EDIL3: variants seen among roughly 807,000 people sequenced by gnomAD.
EDIL3 encodes the protein EGF-like repeat and discoidin I-like domain-containing protein 3.
Under a neutral mutation model 67.4 loss-of-function variants are expected in EDIL3, and 37 were observed. The ratio of observed to expected loss-of-function variants is 0.55; its 90% confidence interval spans 0.42 to 0.72. EDIL3 has a LOEUF of 0.72. EDIL3 is among the 30% of genes least tolerant of loss of function. The pLI is 0.00. For synonymous variants in EDIL3, 195 were observed against 196.3 expected (o/e 0.99, Z 0.05); for missense variants, 527 against 586.3 (o/e 0.90, Z 1.04).
At chr5:84,167,570 T>C (rs1420126508) in intron 4 of EDIL3, among the ~76,000 whole-genome samples, 1 of 152,160 alleles carries the variant, frequency 6.6e-6, no homozygotes, top group Non-Finnish European at 1.5e-5. Flanking sequence ...TCTTTTACTA[T>C]GATGAAAGAA....
At chr5:84,152,763 T>C (rs1305933490) in intron 4 of EDIL3, among the ~76,000 whole-genome samples, 3 of 152,216 alleles carry the variant, frequency 2.0e-5, no homozygotes, top group Non-Finnish European at 2.9e-5. Context: ...GCTACAGAGT[T>C]ATCTTTAGAG....
intron 1 of EDIL3, among the ~76,000 whole-genome samples, chr5:84,364,975 C>T (rs986453039): frequency 6.6e-6 from 1 of 151,472 alleles, no homozygotes; most frequent in Non-Finnish European, 1.5e-5. Flanking sequence ...ATGTCTTATA[C>T]TTAACTTAAA....
intron 9 of EDIL3, among the ~76,000 whole-genome samples, chr5:83,993,233 C>T (rs1274092652): frequency 2.0e-5 from 3 of 152,052 alleles, no homozygotes; most frequent in Non-Finnish European, 4.4e-5. Flanking sequence ...TGTACAGTTG[C>T]CCAAACACAG....
intron 9 of EDIL3, among the ~76,000 whole-genome samples, chr5:83,968,060 G>A (rs1055233825): frequency 5.3e-5 from 8 of 152,168 alleles, no homozygotes; most frequent in East Asian, 1.9e-4. Flanking sequence ...ATTTGGTTTC[G>A]ATACAGAATG....
chr5:84,297,844 A>G lies in EDIL3; in HGVS notation c.68-43632T>C, dbSNP rs1038656440. ...ACAGTCGATCCTGGGAGAGCAAGAA[A>G]CAAGGAGCCAGCAAGTCTAGACACA... On this transcript the variant is annotated intron_variant, in intron 1 of 10. Transcript: ENST00000296591. 3.3e-5 allele frequency among the ~76,000 whole-genome samples: 5 copies of G among 152,124 alleles called. No individual in the cohort carries two copies. The East Asian group carries it at 5.8e-4, about 18-fold the overall frequency.
In EDIL3 at chr5:84,075,947, T is replaced by TTATA. The variant is rs10546643; in HGVS notation, c.652-9345_652-9342dup. Among the ~76,000 whole-genome samples the TTATA allele has an allele frequency of 2.3e-3, 294 of 130,630 alleles. 8 individuals carry two copies. In the East Asian group the frequency reaches 0.042, roughly 19 times the overall value. The allele number at this position is 130,630 out of a possible 152,430, so 85.7% of individuals were successfully genotyped here. A position where few individuals can be genotyped will look rare whatever the true frequency, so the allele number is the denominator to read the frequency against. ...ACACACTCACGTGCCATTGTGGGTT[T>TTATA]TATATATATATATATATATATAAAT... On this transcript the variant is annotated intron_variant, in intron 6 of 10. Transcript: ENST00000296591.
chr5:84,236,841 T>C (rs1438037038), intron 2 of EDIL3, among the ~76,000 whole-genome samples: 1 of 151,848 alleles, frequency 6.6e-6, no homozygotes. Context: ...AGAAAATTCA[T>C]GGGCAAATAA....
At chr5:84,258,199 G>A (rs1408062595) in intron 1 of EDIL3, among the ~76,000 whole-genome samples, 2 of 152,194 alleles carry the variant, frequency 1.3e-5, no homozygotes, top group Non-Finnish European at 2.9e-5. Context: ...AGAAGGAGAT[G>A]CTAAGATGAA....
intron 1 of EDIL3, among the ~76,000 whole-genome samples, chr5:84,287,060 A>G (rs987824528): frequency 2.0e-5 from 3 of 152,188 alleles, no homozygotes; most frequent in Non-Finnish European, 4.4e-5. Flanking sequence ...AACACTGGCA[A>G]TTAGAGAGGA....
intron 3 of EDIL3, among the ~76,000 whole-genome samples, chr5:84,187,823 T>C (rs1239322099): frequency 6.6e-6 from 1 of 152,032 alleles, no homozygotes. Context: ...ACACTAGTTG[T>C]TGCTTCTCAT....
chr5:84,285,201 A>G (rs1298858894), intron 1 of EDIL3, among the ~76,000 whole-genome samples: 1 of 152,230 alleles, frequency 6.6e-6, no homozygotes, highest in Non-Finnish European at 1.5e-5. Context: ...GAATTGCACT[A>G]TTAATATTCA....
intron 9 of EDIL3, among the ~76,000 whole-genome samples, chr5:84,044,942 A>G (rs578016141): frequency 7.9e-5 from 12 of 152,260 alleles, no homozygotes; most frequent in South Asian, 6.2e-4. Context: ...GTCCATTTTC[A>G]CACTGCTGAT....
chr5:84,059,243 G>GA (rs56261126), intron 9 of EDIL3, among the ~76,000 whole-genome samples: 55 of 149,032 alleles, frequency 3.7e-4, no homozygotes, highest in Admixed American at 3.4e-3. Flanking sequence ...CTGCACAAAA[G>GA]AAAAAAAAAA....
chr5:84,145,609 G>GA (rs1288643172), intron 4 of EDIL3, among the ~76,000 whole-genome samples: 3 of 152,040 alleles, frequency 2.0e-5, no homozygotes, highest in Non-Finnish European at 2.9e-5. Flanking sequence ...AGTGAGAAGG[G>GA]AAATTTATGT....
chr5:83,952,826 T>C (rs193021287), intron 10 of EDIL3, among the ~76,000 whole-genome samples: 1 of 151,972 alleles, frequency 6.6e-6, no homozygotes, highest in Admixed American at 6.6e-5. Context: ...ATTAGGAGAC[T>C]TTTCCTCACT....
chr5:84,067,971 C>G (rs1746673185), intron 6 of EDIL3, among the ~76,000 whole-genome samples: 1 of 152,186 alleles, frequency 6.6e-6, no homozygotes, highest in Admixed American at 6.5e-5. Flanking sequence ...CATCACACAA[C>G]AACTATAACC....
intron 5 of EDIL3, among the ~76,000 whole-genome samples, chr5:84,128,047 C>G (rs1002269082): frequency 6.6e-6 from 1 of 152,126 alleles, no homozygotes; most frequent in Non-Finnish European, 1.5e-5. Flanking sequence ...AAGGTGGGAA[C>G]TCAAAACATG....
chr5:84,220,969 G>C (rs3756592), intron 3 of EDIL3, among the ~76,000 whole-genome samples: 21,245 of 152,068 alleles, frequency 0.14, 1,911 homozygotes, highest in Middle Eastern at 0.23. Context: ...TATTGGAAAG[G>C]AATAACAGAA....
intron 4 of EDIL3, among the ~76,000 whole-genome samples, chr5:84,144,270 T>C (rs1580347899): frequency 8.8e-5 from 13 of 147,874 alleles, no homozygotes; most frequent in East Asian, 4.2e-4. Context: ...CCCTTCCTCC[T>C]TTCCTTCCTT....
Sources: allele counts gnomAD v4.1 joint callset (sites outside exome capture counted in the v4.1 genomes callset), GRCh38; gene constraint gnomAD v4.1.1; transcripts MANE v1.5; gene names NCBI Gene and HGNC (gene_info 2026-07-23, HGNC 2026-07-21).